Variants in SMPD4 observed in about 807,000 individuals in gnomAD.
SMPD4 encodes the protein sphingomyelin phosphodiesterase 4.
SMPD4 carries 58 observed loss-of-function variants against 97.8 expected under a neutral mutation model. The ratio of observed to expected loss-of-function variants is 0.59; its 90% CI spans 0.48 to 0.74. The LOEUF is 0.74. Ranked by LOEUF, SMPD4 falls within the 30% of genes least tolerant of loss-of-function variation. The pLI, the probability that SMPD4 is intolerant of heterozygous loss-of-function variation, is 0.00. For missense variants in SMPD4, 853 were observed against 1,080.5 expected (o/e 0.79, Z 2.95); for synonymous variants, 388 against 450.0 (o/e 0.86, Z 1.74).
At position 130,153,311 on chromosome 2, in the gene SMPD4, C is replaced by T; in HGVS notation, c.2025+8G>A. 6.2e-7 allele frequency: 1 copy of T among 1,613,622 alleles called. No individual in the cohort carries two copies. Among genetic ancestry groups the T allele is most frequent in the African/African-American group, 1.3e-5 (1 of 75,048 alleles). Reference sequence around the variant, plus strand: ...AGCCTGTGCGCCTCTGAGACACGGGCCTCTCACCTGGTACCGCCCCAGGGG... The same window carrying T: ...AGCCTGTGCGCCTCTGAGACACGGGTCTCTCACCTGGTACCGCCCCAGGGG... On this transcript the variant is annotated splice_region_variant and intron_variant, in intron 18 of 19. Coordinates refer to ENST00000680298, the MANE Select transcript of SMPD4 (RefSeq NM_017951.5).
chr2:130,171,901 G>A (rs1688503900), intron 8 of SMPD4, among the ~76,000 whole-genome samples: 1 of 152,252 alleles, frequency 6.6e-6, no homozygotes, highest in Non-Finnish European at 1.5e-5. Context: ...CTCCCAACCT[G>A]TGCAGGCACG....
intron 11 of SMPD4, 105 bp from the exon 12 acceptor site, chr2:130,157,501 C>T: frequency 2.6e-6 from 4 of 1,540,718 alleles, no homozygotes; most frequent in East Asian, 2.4e-5. Context: ...GCTCTGCTGC[C>T]CCCACGGGAG....
chr2:130,179,581 T>C (rs1218601232), intron 1 of SMPD4, among the ~76,000 whole-genome samples: 1 of 151,514 alleles, frequency 6.6e-6, no homozygotes, highest in Non-Finnish European at 1.5e-5. Context: ...AGAGGCGGGT[T>C]TCCCTATGCT....
At position 130,173,623 on chromosome 2, in the gene SMPD4, T is replaced by A; in HGVS notation, c.160A>T (p.Ser54Cys). Residue 54 changes from serine (S) to cysteine (C), a missense_variant, in exon 4 of 20, where the codon AGC becomes TGC. Transcript: ENST00000680298. The stretch of plus-strand genomic sequence containing the variant: ...ACACCATCTAGGCTGCCAAAAATGC[T>A]TTCTACCAGCCATGGGAAGATGGTG... The part of the protein sequence containing the change: ...LHTIFPWLVE[S>C]IFGSLDGVLV... The A allele has an allele frequency of 6.2e-7, 1 of 1,613,874 alleles. No homozygotes were observed. The highest frequency in any genetic ancestry group is 8.5e-7 in the Non-Finnish European group (1 of 1,179,858).
At chr2:130,163,047 C>T (rs567184468) in intron 10 of SMPD4, among the ~76,000 whole-genome samples, 94 of 152,352 alleles carry the variant, frequency 6.2e-4, no homozygotes, top group South Asian at 1.0e-3. Flanking sequence ...GCCTTTCTGG[C>T]TGACTCTTGA....
Position 130,180,506 on chromosome 2 carries a change from C to T in SMPD4, c.-46+1024G>A, listed in dbSNP as rs551336445. Among the ~76,000 whole-genome samples the T allele has an allele frequency of 2.6e-5, 4 of 152,220 alleles. No individual in the cohort carries two copies. The South Asian group carries it at 8.3e-4, about 32-fold the overall frequency. Reference sequence around the variant, plus strand: ...CAGGCTGGTCTTGAACTCCTGACCTCGTGATCCACCCGCCTGGGCCTCCCA... The same window carrying T: ...CAGGCTGGTCTTGAACTCCTGACCTTGTGATCCACCCGCCTGGGCCTCCCA... On this transcript the variant is annotated intron_variant, in intron 1 of 19. Transcript: ENST00000680298.
chr2:130,172,941 G>A (rs1688618618), intron 5 of SMPD4, 46 bp from the exon 6 acceptor site: 1 of 1,575,070 alleles, frequency 6.3e-7, no homozygotes, highest in Non-Finnish European at 8.6e-7. Flanking sequence ...CTGGTGCGTA[G>A]TGCCCGATAC....
intron 11 of SMPD4, among the ~76,000 whole-genome samples, chr2:130,160,646 C>T (rs1687304030): frequency 1.3e-5 from 2 of 151,462 alleles, no homozygotes. Context: ...CTGACAGCTT[C>T]TGTGGGCTAT....
Position 130,154,424 on chromosome 2 carries a change from G to A in SMPD4, c.1512C>T (p.Phe504=), listed in dbSNP as rs1409558261. The stretch of plus-strand genomic sequence containing the variant: ...AGCTCCCAGTGAATGTGGGGGCCGT[G>A]AAGAGTCGGTGCTGGCGGTGGGGGA... ...LVIPHRQHRL[F]TAPTFTGSFL... The change falls in exon 16 of 20, where the codon TTC becomes TTT. Residue 504 remains phenylalanine (F), a synonymous_variant. Coordinates refer to ENST00000680298, the MANE Select transcript of SMPD4 (RefSeq NM_017951.5). 6.3e-7 allele frequency: 1 copy of A among 1,585,020 alleles called. No homozygotes were observed. Among genetic ancestry groups the A allele is most frequent in the African/African-American group, 1.4e-5 (1 of 73,894 alleles).
At chr2:130,180,747 G>A (rs1689495385) in intron 1 of SMPD4, among the ~76,000 whole-genome samples, 1 of 152,226 alleles carries the variant, frequency 6.6e-6, no homozygotes, top group African/African-American at 2.4e-5. Flanking sequence ...CTGCTCAGAA[G>A]AAGCTTTCAT....
At chr2:130,163,842 G>A (rs1052640978) in intron 10 of SMPD4, among the ~76,000 whole-genome samples, 5 of 152,228 alleles carry the variant, frequency 3.3e-5, no homozygotes, top group Non-Finnish European at 4.4e-5. Context: ...AGGCGAGGCG[G>A]AGGGAGAGGA....
intron 10 of SMPD4, among the ~76,000 whole-genome samples, chr2:130,163,829 G>C (rs1687662250): frequency 6.6e-6 from 1 of 152,220 alleles, no homozygotes; most frequent in Non-Finnish European, 1.5e-5. Context: ...AGAGAGCAGG[G>C]ACAGGCGAGG....
intron 1 of SMPD4, among the ~76,000 whole-genome samples, chr2:130,177,565 T>C (rs1431913132): frequency 6.6e-6 from 1 of 151,850 alleles, no homozygotes; most frequent in Non-Finnish European, 1.5e-5. Context: ...GGCATGATGG[T>C]GGGTGCCTAT....
At chr2:130,165,174 A>G (rs963637146) in intron 9 of SMPD4, among the ~76,000 whole-genome samples, 2 of 150,880 alleles carry the variant, frequency 1.3e-5, no homozygotes, top group African/African-American at 4.9e-5. Flanking sequence ...TAATCCCAAC[A>G]CTTTGGGAGG....
At chr2:130,160,546 T>C (rs1183419948) in intron 11 of SMPD4, among the ~76,000 whole-genome samples, 2 of 152,182 alleles carry the variant, frequency 1.3e-5, no homozygotes, top group East Asian at 3.9e-4. Context: ...CTCTATGAGG[T>C]CACCACCCAC....
chr2:130,171,898 C>T lies in SMPD4; in HGVS notation c.659+451G>A, dbSNP rs1688502947. Among the ~76,000 whole-genome samples, 4 of 152,268 alleles carry T rather than the reference C, an allele frequency of 2.6e-5. No homozygotes were observed. The South Asian group carries it at 8.3e-4, about 31-fold the overall frequency. On this transcript the variant is annotated intron_variant, in intron 8 of 19. Transcript: ENST00000680298. ...GAGAGCCCCTGGTTCACACTCCCAA[C>T]CTGTGCAGGCACGCATCAGGCTCAG...
At position 130,172,399 on chromosome 2, in the gene SMPD4, G is replaced by C. The variant is rs181749573; in HGVS notation, c.609C>G (p.Pro203=). 7 of 1,611,234 alleles carry C rather than the reference G, an allele frequency of 4.3e-6. No homozygotes were observed. The East Asian group carries it at 1.3e-4, about 31-fold the overall frequency. ...CCCCTGGGCTGGAGGAGAGTGGTGG[G>C]GGCACACTGCCTTCGGTGGGCAGGA... ...SWFLPTEGSV[P]PPLSSSPGGT... is the part of the protein sequence containing the mutation. The change falls in exon 8 of 20, where the codon CCC becomes CCG. Residue 203 remains proline (P), a synonymous_variant. Coordinates refer to ENST00000680298, the MANE Select transcript of SMPD4 (RefSeq NM_017951.5).
intron 11 of SMPD4, among the ~76,000 whole-genome samples, chr2:130,158,661 C>T (rs1687081075): frequency 6.6e-6 from 1 of 152,166 alleles, no homozygotes; most frequent in Admixed American, 6.5e-5. Context: ...TGGCCATGGG[C>T]TTCCTCTGGT....
At chr2:130,178,484 G>A (rs1348287429) in intron 1 of SMPD4, among the ~76,000 whole-genome samples, 6 of 152,266 alleles carry the variant, frequency 3.9e-5, no homozygotes, top group Admixed American at 3.9e-4. Flanking sequence ...GGGAGCCTTT[G>A]AATAAGCCAT....
Sources: allele counts gnomAD v4.1 joint callset (sites outside exome capture counted in the v4.1 genomes callset), GRCh38; gene constraint gnomAD v4.1.1; transcripts MANE v1.5; gene names NCBI Gene and HGNC (gene_info 2026-07-23, HGNC 2026-07-21).